The following PCDHAC1 variants were observed in gnomAD, a reference collection of about 807,000 sequenced individuals.
PCDHAC1 encodes the protein protocadherin alpha-C1.
PCDHAC1 carries 42 observed loss-of-function variants against 60.0 expected under a neutral mutation model. The ratio of observed to expected loss-of-function variants is 0.70; its 90% CI spans 0.55 to 0.90. The LOEUF is 0.90. PCDHAC1 is among the 40% of genes least tolerant of loss of function. The probability of loss-of-function intolerance (pLI) is 0.00; values close to 1 mark genes in which losing one functional copy is unlikely to be tolerated. For missense variants in PCDHAC1, 1,160 were observed against 1,222.3 expected (o/e 0.95, Z 0.76); for synonymous variants, 468 against 499.3 (o/e 0.94, Z 0.84).
intron 3 of PCDHAC1, among the ~76,000 whole-genome samples, chr5:140,985,897 T>G (rs1037239723): frequency 1.3e-5 from 2 of 151,648 alleles, no homozygotes; most frequent in Non-Finnish European, 2.9e-5. Context: ...CCGCCACCAC[T>G]CCCGTCTAAT....
chr5:140,949,074 C>T (rs2094343019), intron 1 of PCDHAC1, among the ~76,000 whole-genome samples: 1 of 151,780 alleles, frequency 6.6e-6, no homozygotes, highest in African/African-American at 2.4e-5. Flanking sequence ...AACTCTTTCA[C>T]CCATTTATTA....
At chr5:140,956,953 C>T (rs1347983778) in intron 1 of PCDHAC1, among the ~76,000 whole-genome samples, 1 of 135,202 alleles carries the variant, frequency 7.4e-6, no homozygotes, top group Non-Finnish European at 1.7e-5. Flanking sequence ...CATTAAAACA[C>T]TGTAATTAAT....
intron 1 of PCDHAC1, among the ~76,000 whole-genome samples, chr5:140,948,089 G>A (rs1348120900): frequency 6.6e-6 from 1 of 151,454 alleles, no homozygotes; most frequent in African/African-American, 2.4e-5. Flanking sequence ...CTATTGATAT[G>A]AGCATATGAT....
In PCDHAC1 at chr5:141,010,504, A is replaced by C; in HGVS notation, c.*567A>C. On this transcript the variant is annotated 3_prime_UTR_variant, in exon 4 of 4. Transcript: ENST00000253807. ...AACTTAAAGGGACCAGACTTTCTAA[A>C]TCTTACAACTCAAGAGGTGGCAGCC... is the stretch of plus-strand genomic sequence containing the variant. 1.8e-6 allele frequency: 1 copy of C among 549,734 alleles called. No homozygotes were observed. Among genetic ancestry groups the C allele is most frequent in the Non-Finnish European group, 2.9e-6 (1 of 344,512 alleles). The allele number at this position is 549,734 out of a possible 1,614,324, so 34.1% of individuals were successfully genotyped here.
At chr5:140,967,156 G>A (rs1169438367) in intron 1 of PCDHAC1, 1 of 1,610,422 alleles carries the variant, frequency 6.2e-7, no homozygotes, top group Admixed American at 1.7e-5. Context: ...ACCCCGTGGC[G>A]GTGAGCGCCG....
chr5:140,955,639 C>T (rs2095212239), intron 1 of PCDHAC1, among the ~76,000 whole-genome samples: 1 of 152,088 alleles, frequency 6.6e-6, no homozygotes, highest in African/African-American at 2.4e-5. Flanking sequence ...AGTGTGAGAA[C>T]AAATTAATAC....
At chr5:140,954,183 A>T (rs246025) in intron 1 of PCDHAC1, among the ~76,000 whole-genome samples, 85,732 of 152,134 alleles carry the variant, frequency 0.56, 24,791 homozygotes, top group African/African-American at 0.69. Flanking sequence ...CCAGTCTATC[A>T]TTGATGGGCA....
intron 3 of PCDHAC1, among the ~76,000 whole-genome samples, chr5:140,985,840 T>C (rs1441638586): frequency 2.0e-5 from 3 of 149,512 alleles, no homozygotes; most frequent in African/African-American, 7.4e-5. Flanking sequence ...CCCGGGTTCA[T>C]GCCACTCTCC....
At chr5:141,008,784 A>G (rs541946217) in intron 3 of PCDHAC1, among the ~76,000 whole-genome samples, 2 of 152,320 alleles carry the variant, frequency 1.3e-5, no homozygotes, top group East Asian at 3.9e-4. Flanking sequence ...ATTGGCTCCC[A>G]GTGTTTTATC....
chr5:140,967,116 G>T, intron 1 of PCDHAC1: 1 of 1,612,922 alleles, frequency 6.2e-7, no homozygotes, highest in Non-Finnish European at 8.5e-7. Flanking sequence ...CGGCCTCGCT[G>T]CCTGCTCAGC....
intron 1 of PCDHAC1, chr5:140,969,265 A>T: frequency 1.9e-6 from 3 of 1,614,250 alleles, no homozygotes; most frequent in Non-Finnish European, 2.5e-6. Flanking sequence ...GGAATCTCAC[A>T]GGCCAAAGTG....
chr5:141,000,418 T>TAA (rs2097924814), intron 3 of PCDHAC1, among the ~76,000 whole-genome samples: 1 of 83,682 alleles, frequency 1.2e-5, no homozygotes, highest in Non-Finnish European at 2.2e-5. Context: ...TATATATATA[T>TAA]ATATTTTTTT....
chr5:140,968,789 G>C, intron 1 of PCDHAC1: 5 of 1,614,180 alleles, frequency 3.1e-6, no homozygotes, highest in Non-Finnish European at 4.2e-6. Context: ...AGCCTCTGTG[G>C]CCATTACAGT....
chr5:140,931,649 G>A (rs2087653878), intron 1 of PCDHAC1, among the ~76,000 whole-genome samples: 1 of 151,904 alleles, frequency 6.6e-6, no homozygotes, highest in African/African-American at 2.4e-5. Context: ...GCTAATAATT[G>A]TTGTGGGCTG....
chr5:140,953,602 CCA>C (rs1246265860), intron 1 of PCDHAC1, among the ~76,000 whole-genome samples: 3 of 152,040 alleles, frequency 2.0e-5, no homozygotes, highest in Admixed American at 6.6e-5. Context: ...TGTTTATTCC[CCA>C]GAGTCCTTAG....
intron 3 of PCDHAC1, among the ~76,000 whole-genome samples, chr5:141,005,035 GT>G (rs1272983494): frequency 6.6e-6 from 1 of 152,194 alleles, no homozygotes; most frequent in African/African-American, 2.4e-5. Context: ...TTGCCCATAT[GT>G]GATACCATTT....
chr5:140,973,105 G>C (rs1166565820), intron 1 of PCDHAC1, among the ~76,000 whole-genome samples: 1 of 152,180 alleles, frequency 6.6e-6, no homozygotes, highest in Non-Finnish European at 1.5e-5. Flanking sequence ...AATTATGAAA[G>C]AGTAGCAGAG....
intron 1 of PCDHAC1, among the ~76,000 whole-genome samples, chr5:140,955,670 T>C (rs1212129993): frequency 6.6e-6 from 1 of 152,140 alleles, no homozygotes; most frequent in East Asian, 1.9e-4. Flanking sequence ...TTTAACATAG[T>C]TTTTTCGAAA....
chr5:140,946,221 A>G (rs1287007358), intron 1 of PCDHAC1, among the ~76,000 whole-genome samples: 2 of 152,214 alleles, frequency 1.3e-5, no homozygotes, highest in Admixed American at 6.5e-5. Context: ...ACCAACAGGT[A>G]TACTAAAAAA....
Sources: allele counts gnomAD v4.1 joint callset (sites outside exome capture counted in the v4.1 genomes callset), GRCh38; gene constraint gnomAD v4.1.1; transcripts MANE v1.5; gene names NCBI Gene and HGNC (gene_info 2026-07-23, HGNC 2026-07-21).